ST6GALNAC5: variants seen among roughly 807,000 people sequenced by gnomAD.
ST6GALNAC5 encodes alpha-N-acetylgalactosaminide alpha-2,6-sialyltransferase 5.
A neutral mutation model predicts 33.6 loss-of-function variants in ST6GALNAC5; 27 were observed. That is an observed-to-expected ratio of 0.80 (90% confidence interval 0.59 to 1.11). The LOEUF is 1.11. ST6GALNAC5 is among the 50% of genes least tolerant of loss of function. ST6GALNAC5 has a pLI of 0.00. For synonymous variants in ST6GALNAC5, 194 were observed against 171.2 expected (o/e 1.13, Z -1.04); for missense variants, 428 against 454.0 (o/e 0.94, Z 0.52).
intron 2 of ST6GALNAC5, among the ~76,000 whole-genome samples, chr1:76,872,673 T>C (rs774809865): frequency 6.6e-6 from 1 of 152,218 alleles, no homozygotes; most frequent in Non-Finnish European, 1.5e-5. Flanking sequence ...TTTAGAAAAG[T>C]ATATAAATTA....
intron 4 of ST6GALNAC5, among the ~76,000 whole-genome samples, chr1:77,056,354 G>A (rs1652398456): frequency 6.6e-6 from 1 of 152,094 alleles, no homozygotes; most frequent in South Asian, 2.1e-4. Context: ...ATAATAATGG[G>A]CCAAGCATTT....
At chr1:76,891,292 TC>T (rs1393087780) in intron 2 of ST6GALNAC5, among the ~76,000 whole-genome samples, 18 of 152,218 alleles carry the variant, frequency 1.2e-4, no homozygotes, top group African/African-American at 4.3e-4. Flanking sequence ...AGCCATCCTA[TC>T]AGGTATAAAG....
chr1:77,000,986 G>C (rs1036706816), intron 2 of ST6GALNAC5, among the ~76,000 whole-genome samples: 17 of 150,756 alleles, frequency 1.1e-4, no homozygotes, highest in Admixed American at 3.3e-4. Context: ...CTCTTTTTTG[G>C]TTCCATATGA....
intron 3 of ST6GALNAC5, among the ~76,000 whole-genome samples, chr1:77,048,607 T>A (rs1417784054): frequency 6.6e-6 from 1 of 152,178 alleles, no homozygotes; most frequent in Non-Finnish European, 1.5e-5. Flanking sequence ...AATTTCATAA[T>A]TCCTGCCCTG....
At chr1:76,885,645 A>G (rs1444943831) in intron 2 of ST6GALNAC5, among the ~76,000 whole-genome samples, 1 of 152,236 alleles carries the variant, frequency 6.6e-6, no homozygotes, top group Non-Finnish European at 1.5e-5. Flanking sequence ...TAGAGTTGGA[A>G]TAATTAGGAA....
At position 77,066,177 on chromosome 1, in the gene ST6GALNAC5, T is replaced by C. The variant is rs1464774917; in HGVS notation, c.*2971T>C. ...CCTGTGCTTTGCTAACCCTGGTGTGTACTCCTAAGGGCTACACATAAAACC... is the reference window on the plus strand; with the variant it reads ...CCTGTGCTTTGCTAACCCTGGTGTGCACTCCTAAGGGCTACACATAAAACC... On this transcript the variant is annotated 3_prime_UTR_variant, in exon 5 of 5. Transcript: ENST00000477717. Among the ~76,000 whole-genome samples, 1 of 152,162 alleles carries C rather than the reference T, an allele frequency of 6.6e-6. No homozygotes were observed. The highest frequency in any genetic ancestry group is 2.4e-5 in the African/African-American group (1 of 41,426).
At chr1:76,878,207 C>T (rs1653692598) in intron 2 of ST6GALNAC5, among the ~76,000 whole-genome samples, 1 of 152,150 alleles carries the variant, frequency 6.6e-6, no homozygotes, top group South Asian at 2.1e-4. Flanking sequence ...TAGGTAGAGC[C>T]ATCTCTAATG....
intron 2 of ST6GALNAC5, among the ~76,000 whole-genome samples, chr1:76,956,118 T>C (rs1305936540): frequency 6.6e-6 from 1 of 152,192 alleles, no homozygotes; most frequent in Admixed American, 6.6e-5. Context: ...AACTTATCTG[T>C]AATGTTACTG....
chr1:76,946,004 T>C (rs1391173115), intron 2 of ST6GALNAC5, among the ~76,000 whole-genome samples: 1 of 152,134 alleles, frequency 6.6e-6, no homozygotes, highest in African/African-American at 2.4e-5. Flanking sequence ...AGATGAGTCC[T>C]TAGCATACAG....
chr1:76,871,844 C>G (rs1198040839), intron 2 of ST6GALNAC5, among the ~76,000 whole-genome samples: 1 of 152,112 alleles, frequency 6.6e-6, no homozygotes, highest in African/African-American at 2.4e-5. Flanking sequence ...CTTTCCCAAT[C>G]CCTTTCCCCA....
intron 2 of ST6GALNAC5, among the ~76,000 whole-genome samples, chr1:76,943,017 T>C (rs1365965811): frequency 6.6e-6 from 1 of 152,104 alleles, no homozygotes; most frequent in Non-Finnish European, 1.5e-5. Flanking sequence ...AGAGTGGAAA[T>C]TGTCACTCAC....
intron 2 of ST6GALNAC5, among the ~76,000 whole-genome samples, chr1:76,911,257 G>A (rs994656231): frequency 1.4e-4 from 21 of 152,216 alleles, no homozygotes; most frequent in Admixed American, 2.6e-4. Flanking sequence ...ATTGATTTGC[G>A]TATATTGACC....
rs1652629483 is a variant in ST6GALNAC5 at position 77,062,886 on chromosome 1, C to T, written c.780-89C>T. 3 of 865,382 alleles carry T rather than the reference C, an allele frequency of 3.5e-6. No homozygotes were observed. The South Asian group carries it at 5.0e-5, about 14-fold the overall frequency. The allele number at this position is 865,382 out of a possible 1,614,324, so 53.6% of individuals were successfully genotyped here. ...TTTAACTAGAAAATACAATTTTTAT[C>T]AGCTTATTAAAGATAACATCTTACC... On this transcript the variant is annotated intron_variant, in intron 4 of 4. Transcript: ENST00000477717.
intron 2 of ST6GALNAC5, among the ~76,000 whole-genome samples, chr1:77,005,731 A>G (rs562366403): frequency 2.6e-5 from 4 of 152,192 alleles, no homozygotes; most frequent in Non-Finnish European, 5.9e-5. Flanking sequence ...AGCCCTTGGT[A>G]ACCACTATTC....
chr1:76,889,643 G>A (rs1384751582), intron 2 of ST6GALNAC5, among the ~76,000 whole-genome samples: 1 of 152,022 alleles, frequency 6.6e-6, no homozygotes, highest in Non-Finnish European at 1.5e-5. Flanking sequence ...CTTTAAGTAA[G>A]TACATTGTCT....
intron 3 of ST6GALNAC5, among the ~76,000 whole-genome samples, chr1:77,047,583 A>C (rs921239049): frequency 6.6e-6 from 1 of 152,266 alleles, no homozygotes; most frequent in African/African-American, 2.4e-5. Context: ...ATTAAGAAGC[A>C]TGACAAATGA....
chr1:76,933,624 G>A (rs1647166443), intron 2 of ST6GALNAC5, among the ~76,000 whole-genome samples: 1 of 151,798 alleles, frequency 6.6e-6, no homozygotes, highest in Non-Finnish European at 1.5e-5. Flanking sequence ...GAACATAAAT[G>A]GCGTAAGAAC....
rs79807106 is a variant in ST6GALNAC5, at chr1:77,063,776, T to G, written c.*570T>G. The G allele has an allele frequency of 6.5e-6, 1 of 154,616 alleles. No individual in the cohort carries two copies. The highest frequency in any genetic ancestry group is 1.9e-4 in the East Asian group (1 of 5,220). 9.6% of individuals were successfully genotyped at this position (154,616 alleles called of 1,614,324 possible). A position where few individuals can be genotyped will look rare whatever the true frequency, so the allele number is the denominator to read the frequency against. On this transcript the variant is annotated 3_prime_UTR_variant, in exon 5 of 5. Coordinates refer to ENST00000477717, the MANE Select transcript of ST6GALNAC5 (RefSeq NM_030965.3). Reference sequence around the variant, plus strand: ...CAATCTGGGCCAGTATTTTTATAGATTATGATTATGTGGTAATTTATCCTT... The same window carrying G: ...CAATCTGGGCCAGTATTTTTATAGAGTATGATTATGTGGTAATTTATCCTT...
chr1:76,905,213 G>A (rs142908231), intron 2 of ST6GALNAC5, among the ~76,000 whole-genome samples: 122 of 152,286 alleles, frequency 8.0e-4, no homozygotes, highest in African/African-American at 2.8e-3. Context: ...CAAAGGGGTA[G>A]AGACTCTGAG....
Sources: gnomAD v4.1 joint callset for allele counts (sites outside exome capture counted in the v4.1 genomes callset) on GRCh38, gnomAD v4.1.1 for gene constraint, MANE v1.5 for transcripts, NCBI Gene and HGNC (gene_info 2026-07-23, HGNC 2026-07-21) for gene names.